KLC1: variants seen among roughly 807,000 people sequenced by gnomAD.
The protein encoded by KLC1 is kinesin light chain 1.
In KLC1, 30 loss-of-function variants were observed where a neutral mutation model predicts 84.2. The ratio of observed to expected loss-of-function variants is 0.36; its 90% confidence interval spans 0.27 to 0.48. The LOEUF is 0.48. Among genes scored for constraint, KLC1 ranks in the 20% least tolerant of loss-of-function variants. The pLI, the probability that KLC1 is intolerant of heterozygous loss-of-function variation, is 0.99. For missense variants in KLC1, 499 were observed against 805.4 expected (o/e 0.62, Z 4.60); for synonymous variants, 289 against 293.3 (o/e 0.99, Z 0.15).
chr14:103,646,556 G>A (rs1050366006), intron 1 of KLC1, among the ~76,000 whole-genome samples: 1 of 152,154 alleles, frequency 6.6e-6, no homozygotes, highest in African/African-American at 2.4e-5. Context: ...TGTCACCCAG[G>A]CTGAAGTGCA....
intron 5 of KLC1, among the ~76,000 whole-genome samples, chr14:103,668,425 T>C (rs2080074528): frequency 6.6e-6 from 1 of 152,208 alleles, no homozygotes; most frequent in African/African-American, 2.4e-5. Context: ...CATTTATTGG[T>C]GGATTTCCTT....
chr14:103,649,947 C>A (rs2078289611), intron 1 of KLC1, among the ~76,000 whole-genome samples: 1 of 152,088 alleles, frequency 6.6e-6, no homozygotes, highest in Admixed American at 6.6e-5. Flanking sequence ...CGCCCGCCTC[C>A]ACCTCCCAAA....
intron 13 of KLC1, chr14:103,686,424 CTTA>C (rs1458368998): frequency 1.3e-5 from 2 of 159,614 alleles, no homozygotes; most frequent in African/African-American, 4.8e-5. Context: ...AAGTATTTCA[CTTA>C]TTAATACCTG....
intron 7 of KLC1, among the ~76,000 whole-genome samples, chr14:103,672,531 A>T (rs1470163351): frequency 6.6e-6 from 1 of 152,194 alleles, no homozygotes; most frequent in Non-Finnish European, 1.5e-5. Context: ...GTGGGGTGGT[A>T]TAGGGAAGTC....
rs2273175 is a variant in KLC1 at position 103,693,804 on chromosome 14, T to A, written c.1848+1379T>A. ...AGGCCGTGCCTCAGCATTCTGTTAC[T>A]CGGCCTGCAGCCCCAGTGCCAGGAG... On this transcript the variant is annotated intron_variant, in intron 15 of 16. Coordinates refer to ENST00000334553, the MANE Select transcript of KLC1 (RefSeq NM_001394837.1). This position sits in a 1 kb window ranked among gnomAD's most constrained non-coding sequence, Gnocchi z 5.1. The A allele has an allele frequency of 2.4e-5, 34 of 1,401,812 alleles. No individual in the cohort carries two copies. Among genetic ancestry groups the A allele is most frequent in the Non-Finnish European group, 3.1e-5 (34 of 1,081,448 alleles). 86.8% of individuals were successfully genotyped at this position (1,401,812 alleles called of 1,614,324 possible).
rs532446684 is a variant in KLC1, at chr14:103,659,260, C to T, written c.492+1484C>T. On this transcript the variant is annotated intron_variant, in intron 3 of 16. Coordinates refer to ENST00000334553, the MANE Select transcript of KLC1 (RefSeq NM_001394837.1). ...GATTACAGGCGTGAGCCACCACGAC[C>T]GGCTTCAGTTAACTTCTTTTTAAAG... 1.7e-3 allele frequency among the ~76,000 whole-genome samples: 254 copies of T among 152,338 alleles called. 1 individual carries two copies. The highest frequency in any genetic ancestry group is 6.2e-3 in the South Asian group (30 of 4,828).
At chr14:103,640,848 A>G (rs1019528101) in intron 1 of KLC1, among the ~76,000 whole-genome samples, 8 of 152,134 alleles carry the variant, frequency 5.3e-5, no homozygotes, top group Non-Finnish European at 1.0e-4. Flanking sequence ...AATTTCCCCT[A>G]ATGTTAATAT....
In KLC1 at chr14:103,657,918, G is replaced by A. The variant is rs890849989; in HGVS notation, c.492+142G>A. 1.0e-5 allele frequency: 7 copies of A among 693,080 alleles called. No individual in the cohort carries two copies. In the African/African-American group the frequency reaches 1.1e-4, roughly 11 times the overall value. 42.9% of individuals were successfully genotyped at this position (693,080 alleles called of 1,614,324 possible). A position where few individuals can be genotyped will look rare whatever the true frequency, so the allele number is the denominator to read the frequency against. On this transcript the variant is annotated intron_variant, in intron 3 of 16. Transcript: ENST00000334553. ...ATGCAAAAATGTTTTGTAAATATAAGCCACAATCCAGAGAGACACCATTAC... is the reference window on the plus strand; with the variant it reads ...ATGCAAAAATGTTTTGTAAATATAAACCACAATCCAGAGAGACACCATTAC...
intron 7 of KLC1, 63 bp from the exon 8 acceptor site, chr14:103,672,951 G>A (rs1488466203): frequency 1.4e-6 from 2 of 1,425,506 alleles, no homozygotes; most frequent in African/African-American, 1.4e-5. Flanking sequence ...GTGACAGTAG[G>A]GTGGAGAATG....
chr14:103,699,649 T>A, intron 15 of KLC1: 1 of 1,495,278 alleles, frequency 6.7e-7, no homozygotes, highest in Non-Finnish European at 9.3e-7. Flanking sequence ...CCGTTTGGAC[T>A]GTCACTCGAC....
At chr14:103,700,545 C>T (rs901251139) in intron 15 of KLC1, 110 bp from the exon 16 acceptor site, 7 of 870,088 alleles carry the variant, frequency 8.0e-6, no homozygotes, top group South Asian at 3.0e-5. Flanking sequence ...CTAGGCTGTC[C>T]CTCAAGTCCA....
At chr14:103,674,954 C>A (rs2080752949) in intron 9 of KLC1, among the ~76,000 whole-genome samples, 1 of 152,166 alleles carries the variant, frequency 6.6e-6, no homozygotes, top group South Asian at 2.1e-4. Context: ...GTGTCCAGCT[C>A]TGTCGTCCAT....
chr14:103,675,896 A>C (rs2080833615), intron 11 of KLC1, 140 bp downstream of exon 11: 2 of 663,994 alleles, frequency 3.0e-6, no homozygotes, highest in Non-Finnish European at 5.3e-6. Flanking sequence ...TTCCAATTAA[A>C]AAAACCCCAC....
At chr14:103,674,643 G>T (rs1035671013) in intron 9 of KLC1, among the ~76,000 whole-genome samples, 2 of 152,118 alleles carry the variant, frequency 1.3e-5, no homozygotes, top group East Asian at 3.8e-4. Context: ...TTGAACTCCT[G>T]ACCTCAGGTG....
At chr14:103,645,067 GGGTTCAAGTGA>G (rs1309374012) in intron 1 of KLC1, among the ~76,000 whole-genome samples, 2 of 152,060 alleles carry the variant, frequency 1.3e-5, no homozygotes, top group Non-Finnish European at 2.9e-5. Flanking sequence ...TCCGCCTCCT[GGGTTCAAGTGA>G]TTCTCCTGCC....
rs1595551463 is a variant in KLC1 at position 103,685,140 on chromosome 14, A to G, written c.1651-1941A>G. 4 of 1,474,734 alleles carry G rather than the reference A, an allele frequency of 2.7e-6. No homozygotes were observed. In the East Asian group the frequency reaches 1.0e-4, roughly 37 times the overall value. 91.4% of individuals were successfully genotyped at this position (1,474,734 alleles called of 1,614,324 possible). On this transcript the variant is annotated intron_variant, in intron 13 of 16. Coordinates refer to ENST00000334553, the MANE Select transcript of KLC1 (RefSeq NM_001394837.1). ...CCAGGACGCATTGCTGCCTGTGGAA[A>G]TTAATTTTCTTTTGGATTATCAACT... is the stretch of plus-strand genomic sequence containing the variant.
At chr14:103,699,088 CCT>C in intron 15 of KLC1, 2 of 1,565,290 alleles carry the variant, frequency 1.3e-6, no homozygotes, top group Non-Finnish European at 1.7e-6. Flanking sequence ...CAGCTGTGCC[CCT>C]GGCACCTGCA....
At chr14:103,669,399 A>C in intron 5 of KLC1, 112 bp from the exon 6 acceptor site, 1 of 633,002 alleles carries the variant, frequency 1.6e-6, no homozygotes, top group South Asian at 1.9e-5. Flanking sequence ...GCACCACTGC[A>C]CTCCAACCTG....
At chr14:103,675,938 A>G (rs2080837322) in intron 11 of KLC1, among the ~76,000 whole-genome samples, 182 bp downstream of exon 11, 1 of 152,242 alleles carries the variant, frequency 6.6e-6, no homozygotes, top group Admixed American at 6.5e-5. Context: ...TTACATGTAT[A>G]AAACCCACTA....
Sources: gnomAD v4.1 joint callset for allele counts (sites outside exome capture counted in the v4.1 genomes callset) on GRCh38, gnomAD v4.1.1 for gene constraint, Gnocchi (gnomAD v3.1) non-coding constraint, MANE v1.5 for transcripts, NCBI Gene and HGNC (gene_info 2026-07-23, HGNC 2026-07-21) for gene names.